Variants in KALRN observed in about 807,000 individuals in gnomAD.
KALRN encodes kalirin RhoGEF kinase, also known as kalirin.
A neutral mutation model predicts 353.7 loss-of-function variants in KALRN; 70 were observed. The ratio of observed to expected loss-of-function variants is 0.20; its 90% confidence interval spans 0.16 to 0.24. KALRN has a LOEUF of 0.24. Among genes scored for constraint, KALRN ranks in the 10% least tolerant of loss-of-function variants. KALRN has a pLI of 1.00. For synonymous variants in KALRN, 1,391 were observed against 1,434.8 expected, an observed-to-expected ratio of 0.97 and a Z score of 0.69; for missense variants, 2,791 against 3,756.7, an observed-to-expected ratio of 0.74 and a Z score of 6.72.
intron 33 of KALRN, among the ~76,000 whole-genome samples, chr3:124,555,048 G>C (rs2109676587): frequency 6.6e-6 from 1 of 152,232 alleles, no homozygotes; most frequent in East Asian, 1.9e-4. Context: ...TAGGATAGAA[G>C]AGGGATCTAG....
chr3:124,477,377 G>A, intron 27 of KALRN, 43 bp downstream of exon 27: 1 of 1,397,740 alleles, frequency 7.2e-7, no homozygotes, highest in Non-Finnish European at 1.0e-6. Flanking sequence ...TGAGCAGGTG[G>A]AAATGCTTCT....
chr3:124,708,730 T>C (rs1579059776), intron 57 of KALRN, among the ~76,000 whole-genome samples: 2 of 151,998 alleles, frequency 1.3e-5, no homozygotes, highest in South Asian at 4.2e-4. Flanking sequence ...AAATAACAAC[T>C]GGAAATGTCC....
chr3:124,363,249 TCACTTGAAAAATTAGTGC>T (rs932622285), intron 10 of KALRN, among the ~76,000 whole-genome samples: 3 of 152,174 alleles, frequency 2.0e-5, no homozygotes, highest in Non-Finnish European at 4.4e-5. Flanking sequence ...CACACAAAGA[TCACTTGAAAAATTAGTGC>T]CACAATCTCC....
Position 124,664,368 on chromosome 3 carries a change from T to TGCGCGCGC in KALRN, c.6346-2080_6346-2079insCGCGCGCG, listed in dbSNP as rs1347109561. ...GTGTGTGTGTGTGTGTGTGTGTGTG[T>TGCGCGCGC]GTGCGCGCGCGCGCATATAAGGGCA... is the stretch of plus-strand genomic sequence containing the variant. On this transcript the variant is annotated intron_variant, in intron 45 of 59. Coordinates refer to ENST00000682506, the MANE Select transcript of KALRN (RefSeq NM_001388419.1). 4.4e-3 allele frequency among the ~76,000 whole-genome samples: 579 copies of TGCGCGCGC among 132,138 alleles called. 1 individual carries two copies. The highest frequency in any genetic ancestry group is 0.01 in the East Asian group (42 of 4,142). The allele number at this position is 132,138 out of a possible 152,430, so 86.7% of individuals were successfully genotyped here.
chr3:124,105,654 A>T (rs543379053), intron 1 of KALRN, among the ~76,000 whole-genome samples: 1 of 152,310 alleles, frequency 6.6e-6, no homozygotes, highest in African/African-American at 2.4e-5. Context: ...GACAGAAGGC[A>T]TTGGTGACTA....
intron 34 of KALRN, among the ~76,000 whole-genome samples, chr3:124,597,974 G>A (rs992650651): frequency 6.6e-6 from 1 of 152,162 alleles, no homozygotes; most frequent in Non-Finnish European, 1.5e-5. Context: ...GAACAGGGAG[G>A]GTGGAGTACT....
Position 124,499,412 on chromosome 3 carries a change from T to C in KALRN, c.4935+2999T>C, listed in dbSNP as rs192820171. Among the ~76,000 whole-genome samples the C allele has an allele frequency of 9.8e-5, 15 of 152,346 alleles. No individual in the cohort carries two copies. The East Asian group carries it at 2.5e-3, about 25-fold the overall frequency. ...TGGTAAGATTACATAAAATATTTGC[T>C]TGATAACCATTAGACATTCAGTAAA... On this transcript the variant is annotated intron_variant, in intron 33 of 59. Transcript: ENST00000682506.
At chr3:124,435,137 G>A (rs1266720704) in intron 17 of KALRN, among the ~76,000 whole-genome samples, 2 of 152,256 alleles carry the variant, frequency 1.3e-5, no homozygotes, top group Non-Finnish European at 2.9e-5. Context: ...ACATGGCCAA[G>A]CCAACATTAG....
chr3:124,287,259 A>T (rs2075996076), intron 5 of KALRN, among the ~76,000 whole-genome samples: 1 of 151,984 alleles, frequency 6.6e-6, no homozygotes, highest in Non-Finnish European at 1.5e-5. Context: ...CACCTCTCAT[A>T]CCTGTTCTCT....
At chr3:124,344,537 A>G (rs1030552232) in intron 9 of KALRN, among the ~76,000 whole-genome samples, 3 of 152,250 alleles carry the variant, frequency 2.0e-5, no homozygotes, top group African/African-American at 7.2e-5. Flanking sequence ...TACTTCATAT[A>G]TTAACTATGT....
In KALRN at chr3:124,049,071, C is replaced by T. The variant is rs191767476; in HGVS notation, c.73+15258C>T. ...CTCTGAAGGATAACTTTTTGTGTAA[C>T]GTTTAAGGACACTTTTGTTAGTGAC... On this transcript the variant is annotated intron_variant, in intron 1 of 59. Coordinates refer to ENST00000682506, the MANE Select transcript of KALRN (RefSeq NM_001388419.1). Among the ~76,000 whole-genome samples the T allele has an allele frequency of 5.9e-5, 9 of 152,186 alleles. No individual in the cohort carries two copies. In the East Asian group the frequency reaches 9.7e-4, roughly 16 times the overall value.
At chr3:124,564,269 T>A (rs2072501204) in intron 34 of KALRN, among the ~76,000 whole-genome samples, 1 of 148,748 alleles carries the variant, frequency 6.7e-6, no homozygotes. Flanking sequence ...TAGTTCCAAC[T>A]ACTCAGGGCA....
intron 1 of KALRN, among the ~76,000 whole-genome samples, chr3:124,187,756 G>A (rs1332611002): frequency 6.6e-6 from 1 of 152,146 alleles, no homozygotes; most frequent in African/African-American, 2.4e-5. Flanking sequence ...ACAATGTGGG[G>A]GTAGATTTCT....
At chr3:124,223,769 A>G (rs552788199) in intron 1 of KALRN, among the ~76,000 whole-genome samples, 4 of 152,366 alleles carry the variant, frequency 2.6e-5, no homozygotes, top group South Asian at 4.1e-4. Context: ...CTCAAGGGCC[A>G]GTTTTACCAT....
At chr3:124,610,664 C>A (rs1561417271) in intron 34 of KALRN, among the ~76,000 whole-genome samples, 1 of 151,938 alleles carries the variant, frequency 6.6e-6, no homozygotes, top group Non-Finnish European at 1.5e-5. Flanking sequence ...CCAGGATCAG[C>A]AATACCCCAG....
At position 124,693,791 on chromosome 3, in the gene KALRN, TTTTG is replaced by T. The variant is rs780606437; in HGVS notation, c.7378-9_7378-6del. ...AGGATTCAAGCAATTTTCTGTGTCT[TTTTG>T]TTTTTCAGATCTTAAATCCAAATTT... is the stretch of plus-strand genomic sequence containing the variant. On this transcript the variant is annotated splice_polypyrimidine_tract_variant and intron_variant, in intron 51 of 59. Coordinates refer to ENST00000682506, the MANE Select transcript of KALRN (RefSeq NM_001388419.1). The T allele has an allele frequency of 6.5e-7, 1 of 1,543,652 alleles. No individual in the cohort carries two copies. The highest frequency in any genetic ancestry group is 8.9e-7 in the Non-Finnish European group (1 of 1,123,520).
intron 33 of KALRN, among the ~76,000 whole-genome samples, chr3:124,527,134 G>A (rs1161185544): frequency 6.6e-6 from 1 of 152,196 alleles, no homozygotes. Flanking sequence ...GGAGTGCAGG[G>A]AGAAACTAAG....
intron 56 of KALRN, among the ~76,000 whole-genome samples, chr3:124,700,558 C>T (rs1387950324): frequency 6.6e-6 from 1 of 152,170 alleles, no homozygotes; most frequent in East Asian, 1.9e-4. Flanking sequence ...AACTAAGATA[C>T]ACATATAGCT....
In KALRN at chr3:124,033,706, G is replaced by T. The variant is rs575292642; in HGVS notation, c.-35G>T. Among the ~76,000 whole-genome samples, 1 of 152,012 alleles carries T rather than the reference G, an allele frequency of 6.6e-6. No individual in the cohort carries two copies. Among genetic ancestry groups the T allele is most frequent in the East Asian group, 1.9e-4 (1 of 5,154 alleles). On this transcript the variant is annotated 5_prime_UTR_variant, in exon 1 of 60. Transcript: ENST00000682506. This position sits in a 1 kb window ranked among gnomAD's most constrained non-coding sequence, Gnocchi z 6.2. ...GCAGCCCTCGGCCCCAGGCTTCTTC[G>T]GCTCCCGGCTGCCCGCGGACGCCCT...
Sources: allele counts gnomAD v4.1 joint callset (sites outside exome capture counted in the v4.1 genomes callset), GRCh38; gene constraint gnomAD v4.1.1; non-coding constraint Gnocchi (gnomAD v3.1); transcripts MANE v1.5; gene names NCBI Gene and HGNC (gene_info 2026-07-23, HGNC 2026-07-21).